The following KCNH8 variants were observed in gnomAD, a reference collection of about 807,000 sequenced individuals.
The protein encoded by KCNH8 is potassium voltage-gated channel subfamily H member 8, also known as voltage-gated delayed rectifier potassium channel KCNH8.
KCNH8 carries 70 observed loss-of-function variants against 103.6 expected under a neutral mutation model. The ratio of observed to expected loss-of-function variants is 0.68; its 90% CI spans 0.56 to 0.82. The LOEUF (loss-of-function observed/expected upper bound fraction) is 0.82, where lower values mean the gene tolerates loss of function less well. KCNH8 is among the 40% of genes least tolerant of loss of function. The pLI, the probability that KCNH8 is intolerant of heterozygous loss-of-function variation, is 0.00. For synonymous variants in KCNH8, 498 were observed against 489.4 expected, an observed-to-expected ratio of 1.02 and a Z score of -0.23; for missense variants, 1,217 against 1,329.9, an observed-to-expected ratio of 0.92 and a Z score of 1.32.
chr3:19,348,428 A>C (rs1464095438), intron 5 of KCNH8, among the ~76,000 whole-genome samples: 1 of 152,126 alleles, frequency 6.6e-6, no homozygotes, highest in African/African-American at 2.4e-5. Context: ...AGGGTTACAT[A>C]AGCCTTGCAG....
At chr3:19,482,693 CAT>C (rs898825427) in intron 11 of KCNH8, among the ~76,000 whole-genome samples, 8 of 152,210 alleles carry the variant, frequency 5.3e-5, no homozygotes, top group African/African-American at 1.4e-4. Context: ...TGCACAGGCA[CAT>C]GTGTCAGTTT....
At position 19,451,202 on chromosome 3, in the gene KCNH8, C is replaced by G. The variant is rs777490756; in HGVS notation, c.1623C>G (p.His541Gln). 1 of 1,613,758 alleles carries G rather than the reference C, an allele frequency of 6.2e-7. No individual in the cohort carries two copies. The highest frequency in any genetic ancestry group is 2.2e-5 in the East Asian group (1 of 44,868). Residue 541 changes from histidine (H) to glutamine (Q), a missense_variant, in exon 10 of 16, where the codon CAC (histidine) becomes CAG (glutamine). Coordinates refer to ENST00000328405, the MANE Select transcript of KCNH8 (RefSeq NM_144633.3). ...PDELRSDITM[H>Q]LNKEILQLSL... ...AACTGCGTTCTGACATCACTATGCA[C>G]TTGAACAAGGAGATCTTACAGTTGT...
rs1486852236 is a variant in KCNH8 at position 19,510,348 on chromosome 3, T to C, written c.2041-15T>C. 7 of 1,531,316 alleles carry C rather than the reference T, an allele frequency of 4.6e-6. No individual in the cohort carries two copies. Among genetic ancestry groups the C allele is most frequent in the Admixed American group, 1.7e-5 (1 of 59,784 alleles). 94.9% of individuals were successfully genotyped at this position (1,531,316 alleles called of 1,614,324 possible). ...GGATATGTAAAATGATTAATACTTC[T>C]GTTTGTTCTTTCAGGTGATATCAAG... On this transcript the variant is annotated splice_polypyrimidine_tract_variant and intron_variant, in intron 11 of 15. Transcript: ENST00000328405.
chr3:19,488,901 G>A (rs879705588), intron 11 of KCNH8, among the ~76,000 whole-genome samples: 1 of 152,186 alleles, frequency 6.6e-6, no homozygotes, highest in Non-Finnish European at 1.5e-5. Context: ...TTATGAGTCT[G>A]TATAACGGTT....
rs143981091 is a variant in KCNH8 at position 19,233,718 on chromosome 3, C to T, written c.77-19936C>T. ...TCCTCTCACGTGTCAAAGATGTACA[C>T]GCTAGGTAATTTTGTGTCTGGAATT... On this transcript the variant is annotated intron_variant, in intron 1 of 15. Transcript: ENST00000328405. 4.7e-3 allele frequency among the ~76,000 whole-genome samples: 716 copies of T among 152,230 alleles called. 4 individuals are homozygous for T. The highest frequency in any genetic ancestry group is 0.016 in the African/African-American group (674 of 41,526).
chr3:19,283,384 C>T (rs1438384700), intron 3 of KCNH8, among the ~76,000 whole-genome samples: 1 of 151,996 alleles, frequency 6.6e-6, no homozygotes, highest in Non-Finnish European at 1.5e-5. Flanking sequence ...CTATCTCTTG[C>T]AAGATTTAAA....
chr3:19,510,910 C>T (rs555904593), intron 12 of KCNH8, among the ~76,000 whole-genome samples: 22 of 152,084 alleles, frequency 1.4e-4, no homozygotes, highest in South Asian at 8.3e-4. Flanking sequence ...CACAGAGGCA[C>T]GCAAATAGAT....
chr3:19,202,499 A>G (rs1039673853), intron 1 of KCNH8, among the ~76,000 whole-genome samples: 5 of 152,110 alleles, frequency 3.3e-5, no homozygotes, highest in East Asian at 3.9e-4. Context: ...GTTTGCCGAT[A>G]ATACAAAGAC....
At chr3:19,258,306 A>G (rs1000000770) in intron 2 of KCNH8, among the ~76,000 whole-genome samples, 1 of 152,022 alleles carries the variant, frequency 6.6e-6, no homozygotes, top group African/African-American at 2.4e-5. Flanking sequence ...CTTGACTTCA[A>G]GGTCCTTGTT....
intron 1 of KCNH8, among the ~76,000 whole-genome samples, chr3:19,228,465 A>G (rs1159881279): frequency 6.6e-6 from 1 of 152,214 alleles, no homozygotes; most frequent in Non-Finnish European, 1.5e-5. Context: ...GTAACATATG[A>G]GAGTTTTAAA....
intron 11 of KCNH8, among the ~76,000 whole-genome samples, chr3:19,475,832 T>A (rs1017474462): frequency 6.6e-6 from 1 of 152,162 alleles, no homozygotes; most frequent in Non-Finnish European, 1.5e-5. Flanking sequence ...TCAAATCAGA[T>A]GTGTTTCATT....
At chr3:19,156,339 A>G (rs1455946839) in intron 1 of KCNH8, among the ~76,000 whole-genome samples, 2 of 152,152 alleles carry the variant, frequency 1.3e-5, no homozygotes, top group East Asian at 3.9e-4. Context: ...TTTTTCTACT[A>G]TATCATACTG....
chr3:19,467,554 C>T (rs1466249165), intron 11 of KCNH8, among the ~76,000 whole-genome samples: 3 of 152,144 alleles, frequency 2.0e-5, no homozygotes, highest in Non-Finnish European at 4.4e-5. Context: ...TATGAGTCAA[C>T]TTGCCTTCAG....
intron 3 of KCNH8, among the ~76,000 whole-genome samples, chr3:19,318,926 A>G (rs769756965): frequency 6.6e-6 from 1 of 151,734 alleles, no homozygotes; most frequent in Non-Finnish European, 1.5e-5. Flanking sequence ...ATTTTTCCAT[A>G]TGCATGTTGG....
At chr3:19,493,912 T>C (rs529691170) in intron 11 of KCNH8, among the ~76,000 whole-genome samples, 31 of 152,296 alleles carry the variant, frequency 2.0e-4, no homozygotes, top group Admixed American at 4.6e-4. Flanking sequence ...GCATAAACTG[T>C]GTCTCCCACA....
chr3:19,373,636 C>T (rs1342927794), intron 5 of KCNH8, among the ~76,000 whole-genome samples: 1 of 151,800 alleles, frequency 6.6e-6, no homozygotes, highest in African/African-American at 2.4e-5. Flanking sequence ...TTAGTTATTT[C>T]TTGCCTTCTG....
At chr3:19,220,514 G>A (rs1262457752) in intron 1 of KCNH8, among the ~76,000 whole-genome samples, 1 of 152,142 alleles carries the variant, frequency 6.6e-6, no homozygotes, top group Non-Finnish European at 1.5e-5. Context: ...GGTGAAACCT[G>A]TCAACAATGC....
At chr3:19,218,202 A>G (rs992411361) in intron 1 of KCNH8, among the ~76,000 whole-genome samples, 2 of 152,188 alleles carry the variant, frequency 1.3e-5, no homozygotes, top group Non-Finnish European at 2.9e-5. Context: ...TTAAAACTCC[A>G]CTAATCATAA....
At position 19,534,138 on chromosome 3, in the gene KCNH8, C is replaced by G; in HGVS notation, c.*39C>G. The G allele has an allele frequency of 2.0e-6, 3 of 1,464,798 alleles. No homozygotes were observed. The highest frequency in any genetic ancestry group is 2.8e-6 in the Non-Finnish European group (3 of 1,057,056). 90.7% of individuals were successfully genotyped at this position (1,464,798 alleles called of 1,614,324 possible). ...GATGCAGCAGCTAATTTCAAACCTACCACTGCATGACAGTTTTAGTTTGCC... is the reference window on the plus strand; with the variant it reads ...GATGCAGCAGCTAATTTCAAACCTAGCACTGCATGACAGTTTTAGTTTGCC... On this transcript the variant is annotated 3_prime_UTR_variant, in exon 16 of 16. Transcript: ENST00000328405.
Sources: gnomAD v4.1 joint callset for allele counts (sites outside exome capture counted in the v4.1 genomes callset) on GRCh38, gnomAD v4.1.1 for gene constraint, MANE v1.5 for transcripts, NCBI Gene and HGNC (gene_info 2026-07-23, HGNC 2026-07-21) for gene names.